Variants in BCAT2 observed in about 807,000 individuals in gnomAD.
BCAT2 encodes branched chain amino acid transaminase 2.
In BCAT2, 44 loss-of-function variants were observed where a neutral mutation model predicts 52.9. The ratio of observed to expected loss-of-function variants is 0.83; its 90% CI spans 0.65 to 1.07. The LOEUF (loss-of-function observed/expected upper bound fraction) is 1.07, where lower values mean the gene tolerates loss of function less well. BCAT2 is among the 50% of genes least tolerant of loss of function. BCAT2 has a pLI of 0.00. For synonymous variants in BCAT2, 215 were observed against 217.1 expected (o/e 0.99, Z 0.08); for missense variants, 478 against 521.8 (o/e 0.92, Z 0.82).
intron 10 of BCAT2, 101 bp downstream of exon 10, chr19:48,796,327 G>A (rs752182916): frequency 3.5e-6 from 5 of 1,415,146 alleles, no homozygotes; most frequent in Non-Finnish European, 5.0e-6. Flanking sequence ...TCTGTTCCTG[G>A]TACTACTGAA....
In BCAT2 at chr19:48,807,800, C is replaced by T; in HGVS notation, c.25-726G>A. 1.0e-6 allele frequency: 1 copy of T among 985,738 alleles called. No individual in the cohort carries two copies. The highest frequency in any genetic ancestry group is 4.7e-5 in the South Asian group (1 of 21,310). The allele number at this position is 985,738 out of a possible 1,614,324, so 61.1% of individuals were successfully genotyped here. ...TGGCAGTGACTCCAATTCCCTTCAGCCCCTGGGGCTGAGGGGCAGCTACAG... is the reference window on the plus strand; with the variant it reads ...TGGCAGTGACTCCAATTCCCTTCAGTCCCTGGGGCTGAGGGGCAGCTACAG... On this transcript the variant is annotated intron_variant, in intron 1 of 10. Coordinates refer to ENST00000316273, the MANE Select transcript of BCAT2 (RefSeq NM_001190.4). The surrounding 1 kb of genome is among the most constrained non-coding windows in gnomAD (Gnocchi z 4.6).
rs1258353591 is a variant in BCAT2, at chr19:48,800,268, G to A, written c.330C>T (p.Gly110=). 1.2e-6 allele frequency: 2 copies of A among 1,613,608 alleles called. No homozygotes were observed. Among genetic ancestry groups the A allele is most frequent in the Non-Finnish European group, 1.7e-6 (2 of 1,180,034 alleles). Residue 110 remains glycine, a synonymous_variant, in exon 4 of 11, where the codon GGC becomes GGT. Coordinates refer to ENST00000316273, the MANE Select transcript of BCAT2 (RefSeq NM_001190.4). ...QLFEGMKAFK[G]KDQQVRLFRP... ...GGAAGAGGCGCACCTGCTGGTCTTT[G>A]CCTTTGAACGCCTTCATGCCCTCAA...
Position 48,796,060 on chromosome 19 carries a change from G to A in BCAT2, c.1140+368C>T, listed in dbSNP as rs2034503672. The A allele has an allele frequency of 9.4e-6, 4 of 424,502 alleles. No individual in the cohort carries two copies. The South Asian group carries it at 1.6e-4, about 17-fold the overall frequency. 26.3% of individuals were successfully genotyped at this position (424,502 alleles called of 1,614,324 possible). A position where few individuals can be genotyped will look rare whatever the true frequency, so the allele number is the denominator to read the frequency against. On this transcript the variant is annotated intron_variant, in intron 10 of 10. Coordinates refer to ENST00000316273, the MANE Select transcript of BCAT2 (RefSeq NM_001190.4). ...GGGCCTTTCTCCCACCAGGGCACCC[G>A]GGGCAGCAGAGGATCACAGGGAGGG...
chr19:48,795,451 GCT>G lies in BCAT2; in HGVS notation c.1152_1153del (p.Arg384SerfsTer123). 3 of 1,613,988 alleles carry G rather than the reference GCT, an allele frequency of 1.9e-6. No individual in the cohort carries two copies. The highest frequency in any genetic ancestry group is 2.5e-6 in the Non-Finnish European group (3 of 1,179,988). On this transcript the variant is annotated frameshift_variant, in exon 11 of 11. Coordinates refer to ENST00000316273, the MANE Select transcript of BCAT2 (RefSeq NM_001190.4). LOFTEE classifies it high-confidence loss of function. ...TCACACCGGGAACATCCACTCGTGG[GCT>G]CTGATTCCGTACTGCGGAACAACGG...
At chr19:48,806,194 G>T (rs2034774892) in intron 3 of BCAT2, among the ~76,000 whole-genome samples, 1 of 146,286 alleles carries the variant, frequency 6.8e-6, no homozygotes, top group Admixed American at 7.0e-5. Flanking sequence ...TTCCCTCTAT[G>T]CCAGAAGAAG....
chr19:48,806,571 G>C lies in BCAT2; in HGVS notation c.246C>G (p.Pro82=). The C allele has an allele frequency of 6.2e-7, 1 of 1,614,162 alleles. No individual in the cohort carries two copies. Among genetic ancestry groups the C allele is most frequent in the Non-Finnish European group, 8.5e-7 (1 of 1,180,024 alleles). The change falls in exon 3 of 11, where the codon CCC becomes CCG. Residue 82 remains proline (P), a synonymous_variant. Transcript: ENST00000316273. ...CTGGGTGCAGCGTGAGGTTCTGGAA[G>C]GGCTGGATTCGGGGCTGGCCCCAGC... The part of the protein sequence containing the change: ...DKGWGQPRIQ[P]FQNLTLHPAS...
Position 48,797,176 on chromosome 19 carries a change from C to CA in BCAT2, c.838+14dup, listed in dbSNP as rs754745013. The CA allele has an allele frequency of 6.2e-7, 1 of 1,613,370 alleles. No individual in the cohort carries two copies. Among genetic ancestry groups the CA allele is most frequent in the South Asian group, 1.1e-5 (1 of 90,878 alleles). On this transcript the variant is annotated intron_variant, in intron 7 of 10. Transcript: ENST00000316273. ...ACTTCCACCAGGGTTCGGGCTGGGTCATGGGTGGGCTTACCCCCATCTTCG... is the reference window on the plus strand; with the variant it reads ...ACTTCCACCAGGGTTCGGGCTGGGTCAATGGGTGGGCTTACCCCCATCTTCG...
At chr19:48,795,567 G>T in intron 10 of BCAT2, 103 bp from the exon 11 acceptor site, 1 of 1,364,328 alleles carries the variant, frequency 7.3e-7, no homozygotes, top group Non-Finnish European at 1.0e-6. Context: ...GTGCCCCAGC[G>T]GCTCACGGGA....
intron 3 of BCAT2, among the ~76,000 whole-genome samples, chr19:48,802,773 G>T (rs1177889265): frequency 6.6e-6 from 1 of 152,068 alleles, no homozygotes; most frequent in African/African-American, 2.4e-5. Flanking sequence ...TTGCAAAATT[G>T]TTTATAATAG....
At position 48,806,752 on chromosome 19, in the gene BCAT2, A is replaced by G. The variant is rs745941373; in HGVS notation, c.100-35T>C. On this transcript the variant is annotated intron_variant, in intron 2 of 10. Transcript: ENST00000316273. ...GACAGGGGTATCCTAGAATCTGGCC[A>G]CAACCTCCCAGCTGAAAAACTACAA... 6.8e-6 allele frequency: 11 copies of G among 1,606,452 alleles called. No homozygotes were observed. The South Asian group carries it at 1.1e-4, about 16-fold the overall frequency.
intron 3 of BCAT2, among the ~76,000 whole-genome samples, chr19:48,800,679 G>A (rs746483360): frequency 5.3e-5 from 8 of 152,184 alleles, no homozygotes; most frequent in Non-Finnish European, 8.8e-5. Context: ...AGACGTGGTA[G>A]CACGTGACTG....
chr19:48,797,255 G>T lies in BCAT2; in HGVS notation c.774C>A (p.Pro258=). 1 of 1,613,874 alleles carries T rather than the reference G, an allele frequency of 6.2e-7. No individual in the cohort carries two copies. Among genetic ancestry groups the T allele is most frequent in the Non-Finnish European group, 8.5e-7 (1 of 1,179,924 alleles). ...TTCCCACCTCGGTGAGCTGGTGGTC[G>T]GGCCCATACAGCCAGAGGACCTGTT... The part of the protein sequence containing the change: ...GCEQVLWLYG[P]DHQLTEVGTM... Residue 258 remains proline (P), a synonymous_variant, in exon 7 of 11, where the codon CCC becomes CCA. Coordinates refer to ENST00000316273, the MANE Select transcript of BCAT2 (RefSeq NM_001190.4).
Position 48,796,518 on chromosome 19 carries a change from C to T in BCAT2, c.1066-16G>A, listed in dbSNP as rs530143373. ...TGTGGAGGTTCTGGGACAGAAGGTGCGGTGAGGACCAAGCCCCTCCCCTCC... is the reference window on the plus strand; with the variant it reads ...TGTGGAGGTTCTGGGACAGAAGGTGTGGTGAGGACCAAGCCCCTCCCCTCC... On this transcript the variant is annotated splice_polypyrimidine_tract_variant and intron_variant, in intron 9 of 10. Coordinates refer to ENST00000316273, the MANE Select transcript of BCAT2 (RefSeq NM_001190.4). 32 of 1,611,202 alleles carry T rather than the reference C, an allele frequency of 2.0e-5. No homozygotes were observed. The highest frequency in any genetic ancestry group is 1.1e-4 in the East Asian group (5 of 44,872).
At chr19:48,795,720 C>G in intron 10 of BCAT2, 1 of 545,628 alleles carries the variant, frequency 1.8e-6, no homozygotes, top group East Asian at 3.1e-5. Flanking sequence ...AAGTCACTTT[C>G]AGCTCAGAAA....
At chr19:48,800,426 G>A (rs2034634226) in intron 3 of BCAT2, 129 bp from the exon 4 acceptor site, 1 of 776,002 alleles carries the variant, frequency 1.3e-6, no homozygotes, top group Non-Finnish European at 2.1e-6. Context: ...GAGAGCACCG[G>A]GGAGATTTAG....
chr19:48,810,918 T>C (rs1271235347), intron 1 of BCAT2, 66 bp downstream of exon 1: 1 of 1,578,950 alleles, frequency 6.3e-7, no homozygotes, highest in Non-Finnish European at 8.6e-7. Flanking sequence ...TGCAGGCCAG[T>C]GGTCTTCCCG....
chr19:48,807,265 G>T lies in BCAT2; in HGVS notation c.25-191C>A. 1.8e-6 allele frequency: 1 copy of T among 543,306 alleles called. No homozygotes were observed. The highest frequency in any genetic ancestry group is 3.2e-6 in the Non-Finnish European group (1 of 307,896). The allele number at this position is 543,306 out of a possible 1,614,324, so 33.7% of individuals were successfully genotyped here. On this transcript the variant is annotated intron_variant, in intron 1 of 10. Transcript: ENST00000316273. This position sits in a 1 kb window ranked among gnomAD's most constrained non-coding sequence, Gnocchi z 4.6. ...TCCCTGCCCTGACGAGGGCTCGCTG[G>T]AAAGAGCTGAGTCAGCTCCCGCCCC...
At chr19:48,800,331 C>T (rs2034632331) in intron 3 of BCAT2, 34 bp from the exon 4 acceptor site, 9 of 1,579,692 alleles carry the variant, frequency 5.7e-6, no homozygotes, top group Non-Finnish European at 7.8e-6. Context: ...GGCTCAGAGA[C>T]TTCTCCAGAC....
At chr19:48,800,570 G>A (rs55732460) in intron 3 of BCAT2, among the ~76,000 whole-genome samples, 21,653 of 152,142 alleles carry the variant, frequency 0.14, 2,064 homozygotes, top group Non-Finnish European at 0.21. Flanking sequence ...CAGCACTTTG[G>A]GAGGCCGAGG....
Sources: allele counts gnomAD v4.1 joint callset (sites outside exome capture counted in the v4.1 genomes callset), GRCh38; gene constraint gnomAD v4.1.1; non-coding constraint Gnocchi (gnomAD v3.1); transcripts MANE v1.5; gene names NCBI Gene and HGNC (gene_info 2026-07-23, HGNC 2026-07-21).